Variants in DLC1 observed in about 807,000 individuals in gnomAD.
DLC1 encodes the protein rho GTPase-activating protein 7.
DLC1 carries 54 observed loss-of-function variants against 140.3 expected under a neutral mutation model. The observed-to-expected ratio is 0.38, with a 90% CI of 0.31 to 0.48. The LOEUF is 0.48. DLC1 is among the 20% of genes least tolerant of loss of function. The probability of loss-of-function intolerance (pLI) is 0.96; values close to 1 mark genes in which losing one functional copy is unlikely to be tolerated. For synonymous variants in DLC1, 986 were observed against 728.1 expected (o/e 1.35, Z -5.70); for missense variants, 2,536 against 1,907.0 (o/e 1.33, Z -6.14).
intron 5 of DLC1, among the ~76,000 whole-genome samples, chr8:13,125,496 G>A (rs78715537): frequency 0.022 from 3,408 of 152,274 alleles, 117 homozygotes; most frequent in African/African-American, 0.078. Flanking sequence ...GTCTTCCAAA[G>A]AATCCGTGAC....
intron 5 of DLC1, among the ~76,000 whole-genome samples, chr8:13,142,477 G>A (rs1281052964): frequency 2.6e-5 from 4 of 152,134 alleles, no homozygotes; most frequent in Admixed American, 6.5e-5. Flanking sequence ...TTTCATAACC[G>A]AGTTCTCCAG....
intron 1 of DLC1, among the ~76,000 whole-genome samples, chr8:13,564,277 A>G (rs1804348005): frequency 6.6e-6 from 1 of 152,238 alleles, no homozygotes; most frequent in Non-Finnish European, 1.5e-5. Flanking sequence ...CCACAAAAAA[A>G]TTGAACAACT....
intron 2 of DLC1, among the ~76,000 whole-genome samples, chr8:13,426,291 T>G (rs898703635): frequency 1.3e-5 from 2 of 152,182 alleles, no homozygotes; most frequent in African/African-American, 4.8e-5. Flanking sequence ...TGGTAGATAC[T>G]CCACAAATAC....
intron 5 of DLC1, among the ~76,000 whole-genome samples, chr8:13,230,903 T>G (rs960408234): frequency 6.6e-6 from 1 of 152,048 alleles, no homozygotes; most frequent in Non-Finnish European, 1.5e-5. Context: ...GGCCCAGATA[T>G]AGATTTTTGA....
chr8:13,166,505 T>C (rs1296993909), intron 5 of DLC1, among the ~76,000 whole-genome samples: 1 of 152,186 alleles, frequency 6.6e-6, no homozygotes, highest in African/African-American at 2.4e-5. Context: ...CACACCTGGC[T>C]AATTTTTGCA....
intron 7 of DLC1, among the ~76,000 whole-genome samples, chr8:13,106,755 G>A (rs552036600): frequency 1.3e-5 from 2 of 152,324 alleles, no homozygotes; most frequent in South Asian, 4.1e-4. Flanking sequence ...GAATACTGCA[G>A]GTGACAGTGT....
intron 1 of DLC1, among the ~76,000 whole-genome samples, chr8:13,525,408 TCTAA>T (rs934304359): frequency 9.2e-5 from 14 of 152,188 alleles, no homozygotes; most frequent in South Asian, 4.1e-4. Context: ...CCTTTAACTC[TCTAA>T]CTGTTTTCTA....
chr8:13,192,377 G>C (rs1372872556), intron 5 of DLC1, among the ~76,000 whole-genome samples: 1 of 152,312 alleles, frequency 6.6e-6, no homozygotes, highest in South Asian at 2.1e-4. Context: ...TGATGAAAGT[G>C]AATATTGACT....
chr8:13,454,706 C>CA (rs1446086792), intron 2 of DLC1, among the ~76,000 whole-genome samples: 1 of 152,114 alleles, frequency 6.6e-6, no homozygotes, highest in Non-Finnish European at 1.5e-5. Context: ...AGGTATGAGT[C>CA]ACCATGCCTA....
At chr8:13,252,635 T>C (rs531985064) in intron 5 of DLC1, among the ~76,000 whole-genome samples, 1 of 152,320 alleles carries the variant, frequency 6.6e-6, no homozygotes, top group African/African-American at 2.4e-5. Flanking sequence ...TGTTTAGAAA[T>C]CTTTCTCAGT....
At chr8:13,160,890 A>G (rs1441692555) in intron 5 of DLC1, among the ~76,000 whole-genome samples, 1 of 152,154 alleles carries the variant, frequency 6.6e-6, no homozygotes, top group Admixed American at 6.6e-5. Flanking sequence ...GATTGAGACC[A>G]TCATGGCGGT....
intron 4 of DLC1, among the ~76,000 whole-genome samples, chr8:13,326,440 A>G (rs1168159192): frequency 1.3e-5 from 2 of 152,208 alleles, no homozygotes; most frequent in Non-Finnish European, 2.9e-5. Flanking sequence ...ATAATTTTTT[A>G]AAGAAGAGGA....
chr8:13,433,349 G>C (rs993731908), intron 2 of DLC1, among the ~76,000 whole-genome samples: 3 of 152,112 alleles, frequency 2.0e-5, no homozygotes, highest in African/African-American at 7.2e-5. Context: ...CTTTGGAATA[G>C]GGTTTGGGGA....
intron 2 of DLC1, among the ~76,000 whole-genome samples, chr8:13,413,255 G>GTTTTTTT (rs1461897724): frequency 6.6e-5 from 2 of 30,140 alleles, no homozygotes; most frequent in African/African-American, 1.6e-4. Context: ...ATTTTTTTGC[G>GTTTTTTT]ATTTTTTTTT....
intron 1 of DLC1, among the ~76,000 whole-genome samples, chr8:13,509,217 A>G (rs1802246608): frequency 6.6e-6 from 1 of 152,208 alleles, no homozygotes; most frequent in African/African-American, 2.4e-5. Context: ...GAACACTCCA[A>G]CAGTAGACAC....
chr8:13,305,628 G>A (rs1274594316), intron 4 of DLC1, among the ~76,000 whole-genome samples: 3 of 152,156 alleles, frequency 2.0e-5, no homozygotes, highest in Non-Finnish European at 4.4e-5. Context: ...GTTGAGCCCA[G>A]GAGTTTGAGA....
chr8:13,373,903 T>A (rs1278373458), intron 4 of DLC1, among the ~76,000 whole-genome samples: 1 of 152,226 alleles, frequency 6.6e-6, no homozygotes, highest in African/African-American at 2.4e-5. Flanking sequence ...CTTTATAAAA[T>A]ATTCATAATG....
At chr8:13,447,599 G>C (rs1488245230) in intron 2 of DLC1, among the ~76,000 whole-genome samples, 1 of 152,014 alleles carries the variant, frequency 6.6e-6, no homozygotes, top group Admixed American at 6.6e-5. Flanking sequence ...TAGATATTAG[G>C]TCTTTAGTTC....
chr8:13,549,035 A>G (rs185632936), intron 1 of DLC1, among the ~76,000 whole-genome samples: 4 of 152,130 alleles, frequency 2.6e-5, no homozygotes, highest in Admixed American at 2.6e-4. Flanking sequence ...TTTTCCTTCC[A>G]TTACATTTAG....
Sources: allele counts gnomAD v4.1 joint callset (sites outside exome capture counted in the v4.1 genomes callset), GRCh38; gene constraint gnomAD v4.1.1; transcripts MANE v1.5; gene names NCBI Gene and HGNC (gene_info 2026-07-23, HGNC 2026-07-21).